The following NCBP3 variants were observed in gnomAD, a reference collection of about 807,000 sequenced individuals.
NCBP3 encodes nuclear cap binding subunit 3, also known as nuclear cap-binding protein subunit 3.
A neutral mutation model predicts 75.7 loss-of-function variants in NCBP3; 20 were observed. The observed-to-expected ratio is 0.26, with a 90% CI of 0.19 to 0.38. The LOEUF (loss-of-function observed/expected upper bound fraction) is 0.38, where lower values mean the gene tolerates loss of function less well. Among genes scored for constraint, NCBP3 ranks in the 10% least tolerant of loss-of-function variants. The probability of loss-of-function intolerance (pLI) is 1.00; values close to 1 mark genes in which losing one functional copy is unlikely to be tolerated. For missense variants in NCBP3, 678 were observed against 796.9 expected (o/e 0.85, Z 1.80); for synonymous variants, 293 against 290.5 (o/e 1.01, Z -0.09).
In NCBP3 at chr17:3,803,887, A is replaced by AAC. The variant is rs2053306802; in HGVS notation, c.*9155_*9156dup. 6.6e-6 allele frequency: 1 copy of AAC among 151,810 alleles called. No homozygotes were observed. Among genetic ancestry groups the AAC allele is most frequent in the Admixed American group, 6.6e-5 (1 of 15,244 alleles). 9.4% of individuals were successfully genotyped at this position (151,810 alleles called of 1,614,324 possible). On this transcript the variant is annotated 3_prime_UTR_variant, in exon 13 of 13. Transcript: ENST00000389005. Reference sequence around the variant, plus strand: ...TCAGGAGATCGAGACCATCCTGGCTAACACGGTGAAACCCGGTCTCTACTA... The same window carrying AAC: ...TCAGGAGATCGAGACCATCCTGGCTAACACACGGTGAAACCCGGTCTCTACTA...
rs1198782114 is a variant in NCBP3, at chr17:3,812,573, G to A, written c.*471C>T. 27 of 1,007,736 alleles carry A rather than the reference G, an allele frequency of 2.7e-5. No homozygotes were observed. The highest frequency in any genetic ancestry group is 8.4e-5 in the South Asian group (2 of 23,916). 62.4% of individuals were successfully genotyped at this position (1,007,736 alleles called of 1,614,324 possible). A position where few individuals can be genotyped will look rare whatever the true frequency, so the allele number is the denominator to read the frequency against. ...AGGGTCCCGGAAGGGTGAGCTGGCC[G>A]CTTCCCTCCTCTTCCCCCTCGAAGG... On this transcript the variant is annotated 3_prime_UTR_variant, in exon 13 of 13. Coordinates refer to ENST00000389005, the MANE Select transcript of NCBP3 (RefSeq NM_001114118.3).
At position 3,802,575 on chromosome 17, in the gene NCBP3, G is replaced by A. The variant is rs1037460787; in HGVS notation, c.*10469C>T. On this transcript the variant is annotated 3_prime_UTR_variant, in exon 13 of 13. Transcript: ENST00000389005. ...ATGATGAAACCATCCTACTTCTGTT[G>A]AACCTCGTCCCAGGCAGGATCGGGG... The A allele has an allele frequency of 2.0e-5, 3 of 152,210 alleles. No individual in the cohort carries two copies. The highest frequency in any genetic ancestry group is 7.2e-5 in the African/African-American group (3 of 41,456). 9.4% of individuals were successfully genotyped at this position (152,210 alleles called of 1,614,324 possible).
Position 3,843,109 on chromosome 17 carries a change from T to C in NCBP3, c.226A>G (p.Thr76Ala), listed in dbSNP as rs1885600031. 2.6e-6 allele frequency: 4 copies of C among 1,551,660 alleles called. No individual in the cohort carries two copies. Among genetic ancestry groups the C allele is most frequent in the Non-Finnish European group, 3.5e-6 (4 of 1,146,950 alleles). ...ACCTTGGAGGTGACATCAATTCCAG[T>C]GATGAAGCTGCCAGCCTTGTTTTCA... Reference protein sequence around the residue: ...RYENKAGSFITGIDVTSKEAI... With the variant: ...RYENKAGSFIAGIDVTSKEAI... Residue 76 changes from threonine to alanine, a missense_variant, in exon 2 of 13, where the codon ACT becomes GCT. By Grantham distance (58) the Thr-to-Ala change is moderately conservative. Coordinates refer to ENST00000389005, the MANE Select transcript of NCBP3 (RefSeq NM_001114118.3).
chr17:3,838,246 G>A (rs996649598), intron 3 of NCBP3, among the ~76,000 whole-genome samples: 1 of 152,242 alleles, frequency 6.6e-6, no homozygotes, highest in African/African-American at 2.4e-5. Flanking sequence ...CATGGGACAA[G>A]GAAGGGCAAA....
At chr17:3,840,782 T>C (rs771124785) in intron 2 of NCBP3, among the ~76,000 whole-genome samples, 1 of 152,208 alleles carries the variant, frequency 6.6e-6, no homozygotes, top group Non-Finnish European at 1.5e-5. Flanking sequence ...CTAGTCTGTT[T>C]AAAAATAACA....
intron 3 of NCBP3, among the ~76,000 whole-genome samples, chr17:3,834,560 G>A (rs1165680662): frequency 6.6e-6 from 1 of 152,212 alleles, no homozygotes; most frequent in Non-Finnish European, 1.5e-5. Flanking sequence ...CAGATCACCT[G>A]AGGTTGGGAG....
At chr17:3,823,549 T>C (rs1042321236) in intron 7 of NCBP3, among the ~76,000 whole-genome samples, 10 of 152,152 alleles carry the variant, frequency 6.6e-5, no homozygotes, top group Non-Finnish European at 1.3e-4. Context: ...ATTTACGTGA[T>C]CTCAAAGTAT....
intron 3 of NCBP3, among the ~76,000 whole-genome samples, chr17:3,839,798 A>C (rs887525618): frequency 6.6e-6 from 1 of 152,230 alleles, no homozygotes; most frequent in African/African-American, 2.4e-5. Flanking sequence ...TAAAAGGAGA[A>C]AATGAGTAAG....
rs1281277017 is a variant in NCBP3 at position 3,832,217 on chromosome 17, C to A, written c.356-2849G>T. Reference sequence around the variant, plus strand: ...AAAAAAAAAAAAGAGGATGGATACCCCATTCTCCATGATGCGCTTATTTCA... The same window carrying A: ...AAAAAAAAAAAAGAGGATGGATACCACATTCTCCATGATGCGCTTATTTCA... On this transcript the variant is annotated intron_variant, in intron 3 of 12. Coordinates refer to ENST00000389005, the MANE Select transcript of NCBP3 (RefSeq NM_001114118.3). 6.8e-5 allele frequency among the ~76,000 whole-genome samples: 8 copies of A among 117,578 alleles called. 1 individual carries two copies. The allele number at this position is 117,578 out of a possible 152,430, so 77.1% of individuals were successfully genotyped here.
intron 3 of NCBP3, among the ~76,000 whole-genome samples, chr17:3,831,186 C>T (rs1044838782): frequency 6.0e-5 from 9 of 150,216 alleles, no homozygotes; most frequent in Non-Finnish European, 8.9e-5. Flanking sequence ...GCTGGGATTA[C>T]AGGCATGAGC....
intron 3 of NCBP3, among the ~76,000 whole-genome samples, chr17:3,837,480 G>GAGCAAGCCTCTGTCTC (rs2053994460): frequency 6.9e-6 from 1 of 144,778 alleles, no homozygotes. Flanking sequence ...CTGGGCTACA[G>GAGCAAGCCTCTGTCTC]AAAGAGAGGA....
chr17:3,824,440 A>ACATG (rs1428421599), intron 7 of NCBP3: 1 of 148,726 alleles, frequency 6.7e-6, no homozygotes, highest in East Asian at 1.9e-4. Flanking sequence ...ACATACATAC[A>ACATG]CATGCATACA....
chr17:3,839,785 C>T (rs141862744), intron 3 of NCBP3, among the ~76,000 whole-genome samples: 3 of 152,294 alleles, frequency 2.0e-5, no homozygotes, highest in Non-Finnish European at 2.9e-5. Flanking sequence ...AACACCTCTA[C>T]GATAAAAGGA....
chr17:3,838,040 G>A (rs888293558), intron 3 of NCBP3, among the ~76,000 whole-genome samples: 4 of 152,118 alleles, frequency 2.6e-5, no homozygotes, highest in African/African-American at 9.7e-5. Flanking sequence ...ATTAAGGTAA[G>A]TATCATATTT....
At chr17:3,844,030 G>A (rs980131831) in intron 1 of NCBP3, among the ~76,000 whole-genome samples, 11 of 152,240 alleles carry the variant, frequency 7.2e-5, no homozygotes, top group Admixed American at 6.5e-4. Context: ...AAAATCTAAA[G>A]GCTTTTGTGG....
rs1451676771 is a variant in NCBP3, at chr17:3,832,530, C to T, written c.356-3162G>A. On this transcript the variant is annotated intron_variant, in intron 3 of 12. Transcript: ENST00000389005. ...CCTGTAGTCCCAGCTACTCGGGAGG[C>T]TGAGGCAGGAGAATCACTTGAACCC... Among the ~76,000 whole-genome samples the T allele has an allele frequency of 3.4e-4, 44 of 128,488 alleles. 6 individuals carry two copies. The Admixed American group carries it at 3.5e-3, about 10-fold the overall frequency. The allele number at this position is 128,488 out of a possible 152,430, so 84.3% of individuals were successfully genotyped here.
chr17:3,839,421 C>T (rs2054028063), intron 3 of NCBP3, among the ~76,000 whole-genome samples: 1 of 152,050 alleles, frequency 6.6e-6, no homozygotes, highest in African/African-American at 2.4e-5. Flanking sequence ...AATCTCGGAT[C>T]ACGGCAACCT....
At chr17:3,821,683 A>G (rs554240594) in intron 8 of NCBP3, among the ~76,000 whole-genome samples, 11 of 152,252 alleles carry the variant, frequency 7.2e-5, no homozygotes, top group Admixed American at 6.5e-4. Flanking sequence ...TCGGCCTCCC[A>G]AAGTGCTGGG....
chr17:3,826,524 G>T, intron 4 of NCBP3, among the ~76,000 whole-genome samples: 1 of 152,104 alleles, frequency 6.6e-6, no homozygotes, highest in East Asian at 1.9e-4. Context: ...CCAGCTACTT[G>T]GGAGGCCGAG....
Sources: gnomAD v4.1 joint callset for allele counts (sites outside exome capture counted in the v4.1 genomes callset) on GRCh38, gnomAD v4.1.1 for gene constraint, MANE v1.5 for transcripts, NCBI Gene and HGNC (gene_info 2026-07-23, HGNC 2026-07-21) for gene names.